Variants in TDRD7 observed in about 807,000 individuals in gnomAD.
TDRD7 encodes tudor domain containing 7.
Under a neutral mutation model 109.8 loss-of-function variants are expected in TDRD7, and 47 were observed. The observed-to-expected ratio is 0.43, with a 90% CI of 0.34 to 0.55. TDRD7 has a LOEUF of 0.55. Among genes scored for constraint, TDRD7 ranks in the 20% least tolerant of loss-of-function variants. The probability of loss-of-function intolerance (pLI) is 0.03; values close to 1 mark genes in which losing one functional copy is unlikely to be tolerated. For synonymous variants in TDRD7, 424 were observed against 457.3 expected (o/e 0.93, Z 0.93); for missense variants, 1,164 against 1,319.2 (o/e 0.88, Z 1.82).
At chr9:97,447,555 TAA>T (rs1828423263) in intron 6 of TDRD7, among the ~76,000 whole-genome samples, 1 of 151,898 alleles carries the variant, frequency 6.6e-6, no homozygotes, top group Admixed American at 6.6e-5. Context: ...GAGGAAAAGC[TAA>T]AGAGGGAAAA....
At position 97,427,329 on chromosome 9, in the gene TDRD7, A is replaced by G. The variant is rs140947460; in HGVS notation, c.-6-1131A>G. Among the ~76,000 whole-genome samples, 88 of 152,150 alleles carry G rather than the reference A, an allele frequency of 5.8e-4. No homozygotes were observed. In the East Asian group the frequency reaches 7.9e-3, roughly 14 times the overall value. On this transcript the variant is annotated intron_variant, in intron 1 of 16. Coordinates refer to ENST00000355295, the MANE Select transcript of TDRD7 (RefSeq NM_014290.3). ...TCTTTCCTCCTTTTATTCATATGGC[A>G]TTATGACTCTGCTTCTTTTTCTTCC...
At chr9:97,455,412 G>T (rs1015995063) in intron 6 of TDRD7, among the ~76,000 whole-genome samples, 2 of 152,180 alleles carry the variant, frequency 1.3e-5, no homozygotes, top group Non-Finnish European at 2.9e-5. Flanking sequence ...GAACATCAAT[G>T]TGAAAATCCT....
chr9:97,462,132 G>C (rs897778601), intron 7 of TDRD7, among the ~76,000 whole-genome samples: 2 of 152,136 alleles, frequency 1.3e-5, no homozygotes, highest in Non-Finnish European at 2.9e-5. Context: ...GATATTGAAG[G>C]CCACATTACC....
intron 6 of TDRD7, 56 bp downstream of exon 6, chr9:97,441,931 T>C: frequency 2.1e-6 from 3 of 1,431,980 alleles, no homozygotes; most frequent in South Asian, 1.2e-5. Flanking sequence ...AACTTTGAGA[T>C]CTTGAGTTAT....
chr9:97,450,826 T>C (rs895068400), intron 6 of TDRD7, among the ~76,000 whole-genome samples: 3 of 152,090 alleles, frequency 2.0e-5, no homozygotes, highest in African/African-American at 7.2e-5. Flanking sequence ...CTGGGTGATA[T>C]TGTAAAATAT....
At chr9:97,448,725 C>G (rs1350279268) in intron 6 of TDRD7, among the ~76,000 whole-genome samples, 1 of 152,118 alleles carries the variant, frequency 6.6e-6, no homozygotes, top group Admixed American at 6.6e-5. Flanking sequence ...GCTGTACTGT[C>G]TCAGGTTTGT....
intron 7 of TDRD7, among the ~76,000 whole-genome samples, chr9:97,464,264 G>A (rs1238599755): frequency 2.0e-5 from 3 of 152,086 alleles, no homozygotes; most frequent in Admixed American, 6.5e-5. Flanking sequence ...ATGCCCTCTC[G>A]TTGTCTGGAT....
intron 16 of TDRD7, among the ~76,000 whole-genome samples, chr9:97,491,371 C>A (rs1261183515): frequency 2.6e-5 from 4 of 152,194 alleles, no homozygotes; most frequent in African/African-American, 9.7e-5. Flanking sequence ...CTGATTATTT[C>A]CAGCATTCCT....
intron 1 of TDRD7, among the ~76,000 whole-genome samples, chr9:97,425,530 A>T (rs1284595387): frequency 6.6e-6 from 1 of 152,144 alleles, no homozygotes; most frequent in East Asian, 1.9e-4. Context: ...AAGTCCACTC[A>T]ATAATGTTTA....
intron 6 of TDRD7, among the ~76,000 whole-genome samples, chr9:97,449,932 G>A (rs764889570): frequency 6.6e-6 from 1 of 152,164 alleles, no homozygotes; most frequent in Non-Finnish European, 1.5e-5. Flanking sequence ...CATCTGCCAA[G>A]CCTAGTATTT....
chr9:97,440,915 G>T (rs1828292096), intron 5 of TDRD7, among the ~76,000 whole-genome samples: 1 of 152,164 alleles, frequency 6.6e-6, no homozygotes, highest in African/African-American at 2.4e-5. Context: ...ATTTTCTGGG[G>T]ATATTAACTC....
Position 97,482,950 on chromosome 9 carries a change from T to G in TDRD7, c.2514T>G (p.Asn838Lys). 6.2e-7 allele frequency: 1 copy of G among 1,614,184 alleles called. No individual in the cohort carries two copies. Among genetic ancestry groups the G allele is most frequent in the Non-Finnish European group, 8.5e-7 (1 of 1,180,040 alleles). ...GCAGTATTAATCGCCAGATTACAAA[T>G]GCAGACTTGTGGAAGCATCAGAAGG... The part of the protein sequence containing the change: ...PHRSINRQIT[N>K]ADLWKHQKDV... The change falls in exon 15 of 17, where the codon AAT becomes AAG. Residue 838 changes from asparagine (N) to lysine (K), a missense_variant. Physicochemically the swap from Asn to Lys is moderately conservative, Grantham distance 94 (BLOSUM62 0). Transcript: ENST00000355295.
intron 6 of TDRD7, among the ~76,000 whole-genome samples, chr9:97,450,534 G>C (rs974513912): frequency 6.6e-6 from 1 of 152,150 alleles, no homozygotes; most frequent in Non-Finnish European, 1.5e-5. Context: ...AAGACCATAA[G>C]ATGGCTGTTC....
At chr9:97,425,852 T>C (rs1336455709) in intron 1 of TDRD7, among the ~76,000 whole-genome samples, 1 of 152,076 alleles carries the variant, frequency 6.6e-6, no homozygotes, top group Non-Finnish European at 1.5e-5. Context: ...CATTATAGAG[T>C]GGACTCACAA....
intron 6 of TDRD7, among the ~76,000 whole-genome samples, chr9:97,453,549 C>T (rs1449884650): frequency 6.6e-6 from 1 of 151,540 alleles, no homozygotes; most frequent in African/African-American, 2.4e-5. Context: ...TATGGTACGG[C>T]AGCCCACCTG....
chr9:97,430,628 A>T (rs552644919), intron 2 of TDRD7, among the ~76,000 whole-genome samples: 16 of 152,310 alleles, frequency 1.1e-4, no homozygotes, highest in South Asian at 1.0e-3. Context: ...ATCAGATCAT[A>T]GGTTGCTTTT....
intron 1 of TDRD7, among the ~76,000 whole-genome samples, chr9:97,425,136 G>C (rs1276974724): frequency 6.6e-6 from 1 of 152,020 alleles, no homozygotes; most frequent in African/African-American, 2.4e-5. Flanking sequence ...TTTTTTGGAT[G>C]ATGGGAATGT....
intron 8 of TDRD7, 106 bp downstream of exon 8, chr9:97,465,134 A>G: frequency 7.3e-7 from 1 of 1,377,548 alleles, no homozygotes; most frequent in South Asian, 1.4e-5. Flanking sequence ...GTATCCTATA[A>G]TTAAATGTAG....
chr9:97,490,608 G>C (rs1410234552), intron 16 of TDRD7, among the ~76,000 whole-genome samples: 1 of 149,532 alleles, frequency 6.7e-6, no homozygotes, highest in Non-Finnish European at 1.5e-5. Context: ...CAATGATTTA[G>C]TGTGTGACAT....
Sources: gnomAD v4.1 joint callset for allele counts (sites outside exome capture counted in the v4.1 genomes callset) on GRCh38, gnomAD v4.1.1 for gene constraint, MANE v1.5 for transcripts, NCBI Gene and HGNC (gene_info 2026-07-23, HGNC 2026-07-21) for gene names.